Variants in CNTN5 observed in about 807,000 individuals in gnomAD.
The protein encoded by CNTN5 is contactin-5.
In CNTN5, 77 loss-of-function variants were observed where a neutral mutation model predicts 129.1. That is an observed-to-expected ratio of 0.60 (90% CI 0.50 to 0.72). CNTN5 has a LOEUF of 0.72. Ranked by LOEUF, CNTN5 falls within the 30% of genes least tolerant of loss-of-function variation. The pLI is 0.00. For synonymous variants in CNTN5, 509 were observed against 465.6 expected, an observed-to-expected ratio of 1.09 and a Z score of -1.20; for missense variants, 1,478 against 1,328.8, an observed-to-expected ratio of 1.11 and a Z score of -1.75.
In CNTN5 at chr11:99,814,040, AAG is replaced by A. The variant is rs1401988515; in HGVS notation, c.56-5500_56-5499del. On this transcript the variant is annotated intron_variant, in intron 3 of 24. Coordinates refer to ENST00000524871, the MANE Select transcript of CNTN5 (RefSeq NM_014361.4). ...ATAAGGTCATGATAATTTTATTTAA[AAG>A]AGAACTTTTTATATAGTTATGAGAA... Among the ~76,000 whole-genome samples, 6 of 152,200 alleles carry A rather than the reference AAG, an allele frequency of 3.9e-5. No homozygotes were observed. The South Asian group carries it at 1.2e-3, about 31-fold the overall frequency.
rs182414624 is a variant in CNTN5, at chr11:99,564,385, G to A, written c.55+8116G>A. 2.0e-5 allele frequency among the ~76,000 whole-genome samples: 3 copies of A among 152,134 alleles called. No individual in the cohort carries two copies. The East Asian group carries it at 5.8e-4, about 29-fold the overall frequency. On this transcript the variant is annotated intron_variant, in intron 3 of 24. Coordinates refer to ENST00000524871, the MANE Select transcript of CNTN5 (RefSeq NM_014361.4). The stretch of plus-strand genomic sequence containing the variant: ...TTACAGGCATGAGCCACCACACCTG[G>A]CCAACAATTCTGTTTATAGCAAAAG...
chr11:99,928,878 G>C (rs1403223864), intron 7 of CNTN5, among the ~76,000 whole-genome samples: 2 of 152,128 alleles, frequency 1.3e-5, no homozygotes, highest in Non-Finnish European at 2.9e-5. Context: ...CAAATTTTCT[G>C]AACTTCTATG....
intron 8 of CNTN5, among the ~76,000 whole-genome samples, chr11:99,989,594 A>C (rs1244765661): frequency 6.6e-6 from 1 of 152,136 alleles, no homozygotes; most frequent in East Asian, 1.9e-4. Flanking sequence ...TTATGAACTT[A>C]TTGTAAAATA....
chr11:100,232,680 AT>A, intron 16 of CNTN5, among the ~76,000 whole-genome samples: 1 of 152,178 alleles, frequency 6.6e-6, no homozygotes, highest in Non-Finnish European at 1.5e-5. Flanking sequence ...CTCATCAAAC[AT>A]TTATAGAGCA....
intron 1 of CNTN5, among the ~76,000 whole-genome samples, chr11:99,061,189 T>C (rs1192983481): frequency 6.6e-6 from 1 of 152,186 alleles, no homozygotes; most frequent in Non-Finnish European, 1.5e-5. Flanking sequence ...TTTCCTTTGA[T>C]GGCCGGAGGG....
At chr11:99,886,517 A>C (rs1948905255) in intron 6 of CNTN5, among the ~76,000 whole-genome samples, 1 of 152,222 alleles carries the variant, frequency 6.6e-6, no homozygotes, top group Non-Finnish European at 1.5e-5. Flanking sequence ...AAAAATGTTG[A>C]AATTTCATAA....
intron 9 of CNTN5, among the ~76,000 whole-genome samples, chr11:100,017,031 A>G (rs1940861567): frequency 1.3e-5 from 2 of 151,964 alleles, no homozygotes; most frequent in South Asian, 4.1e-4. Flanking sequence ...ATGGTACCAA[A>G]GCTAAATGAT....
intron 18 of CNTN5, among the ~76,000 whole-genome samples, chr11:100,272,924 G>A (rs548659389): frequency 1.3e-5 from 2 of 152,282 alleles, no homozygotes; most frequent in East Asian, 1.9e-4. Context: ...GTGGAGCCCA[G>A]AGGGTTTGGT....
At chr11:99,397,438 C>A (rs377630583) in intron 2 of CNTN5, among the ~76,000 whole-genome samples, 1 of 151,256 alleles carries the variant, frequency 6.6e-6, no homozygotes, top group Admixed American at 6.6e-5. Flanking sequence ...AATTATCCAC[C>A]TCCTTAACAA....
intron 2 of CNTN5, among the ~76,000 whole-genome samples, chr11:99,355,883 G>A (rs1938625744): frequency 6.7e-6 from 1 of 149,086 alleles, no homozygotes; most frequent in South Asian, 2.1e-4. Flanking sequence ...CCGGAGTGCA[G>A]TGGCGCTATC....
chr11:99,537,884 A>G (rs1947959504), intron 2 of CNTN5, among the ~76,000 whole-genome samples: 1 of 152,174 alleles, frequency 6.6e-6, no homozygotes, highest in South Asian at 2.1e-4. Context: ...ATGCTTTATC[A>G]TTAATGGCCT....
intron 3 of CNTN5, among the ~76,000 whole-genome samples, chr11:99,760,840 C>T (rs2135276195): frequency 6.6e-6 from 1 of 152,166 alleles, no homozygotes; most frequent in African/African-American, 2.4e-5. Flanking sequence ...TACACACACA[C>T]ACAGAGGTTT....
intron 8 of CNTN5, among the ~76,000 whole-genome samples, chr11:99,959,057 A>G (rs987254039): frequency 6.6e-6 from 1 of 152,172 alleles, no homozygotes; most frequent in African/African-American, 2.4e-5. Flanking sequence ...CATTTCATGA[A>G]TAATCATTCG....
rs551134867 is a variant in CNTN5, at chr11:99,344,014, T to G, written c.-71+18530T>G. 3.3e-5 allele frequency among the ~76,000 whole-genome samples: 5 copies of G among 152,344 alleles called. No homozygotes were observed. The East Asian group carries it at 9.6e-4, about 29-fold the overall frequency. On this transcript the variant is annotated intron_variant, in intron 2 of 24. Transcript: ENST00000524871. ...TGTGACTATTTATAAAATAGCCTTC[T>G]CATATAGAGATAATACCTGATAAAT...
chr11:99,791,002 G>T (rs1945722149), intron 3 of CNTN5, among the ~76,000 whole-genome samples: 1 of 151,946 alleles, frequency 6.6e-6, no homozygotes, highest in Admixed American at 6.6e-5. Context: ...TTTTAATGGG[G>T]TTGTTACTGC....
At chr11:99,814,508 A>C (rs1163174075) in intron 3 of CNTN5, among the ~76,000 whole-genome samples, 1 of 152,136 alleles carries the variant, frequency 6.6e-6, no homozygotes, top group Non-Finnish European at 1.5e-5. Flanking sequence ...TCAGCATGAT[A>C]CTGTATTCTT....
chr11:99,022,730 A>G (rs1465171745), intron 1 of CNTN5, among the ~76,000 whole-genome samples: 1 of 152,236 alleles, frequency 6.6e-6, no homozygotes, highest in African/African-American at 2.4e-5. Context: ...GAAATTCAAT[A>G]TAAAGAATAG....
rs1020610375 is a variant in CNTN5 at position 99,455,458 on chromosome 11, AC to A, written c.-70-100686del. Among the ~76,000 whole-genome samples the A allele has an allele frequency of 1.2e-3, 187 of 152,208 alleles. 1 individual carries two copies. Among genetic ancestry groups the A allele is most frequent in the African/African-American group, 4.1e-3 (169 of 41,522 alleles). On this transcript the variant is annotated intron_variant, in intron 2 of 24. Transcript: ENST00000524871. ...TATGTAGTTTTTTTTTTTAAAAAAA[AC>A]ATAAGAATTATTTCAAAAAGAAGGA... is the stretch of plus-strand genomic sequence containing the variant.
chr11:99,545,392 A>T (rs1948257145), intron 2 of CNTN5, among the ~76,000 whole-genome samples: 1 of 152,212 alleles, frequency 6.6e-6, no homozygotes, highest in Non-Finnish European at 1.5e-5. Context: ...AATTTTAAGT[A>T]AATCATTAAA....
Sources: gnomAD v4.1 joint callset for allele counts (sites outside exome capture counted in the v4.1 genomes callset) on GRCh38, gnomAD v4.1.1 for gene constraint, MANE v1.5 for transcripts, NCBI Gene and HGNC (gene_info 2026-07-23, HGNC 2026-07-21) for gene names.